The following TEX14 variants were observed in gnomAD, a reference collection of about 807,000 sequenced individuals.
TEX14 encodes the protein inactive serine/threonine-protein kinase TEX14.
In TEX14, 168 loss-of-function variants were observed where a neutral mutation model predicts 178.6. The ratio of observed to expected loss-of-function variants is 0.94; its 90% CI spans 0.83 to 1.07. TEX14 has a LOEUF of 1.07. TEX14 is among the 50% of genes least tolerant of loss of function. The probability of loss-of-function intolerance (pLI) is 0.00; values close to 1 mark genes in which losing one functional copy is unlikely to be tolerated. For synonymous variants in TEX14, 626 were observed against 634.1 expected, an observed-to-expected ratio of 0.99 and a Z score of 0.19; for missense variants, 1,730 against 1,753.6, an observed-to-expected ratio of 0.99 and a Z score of 0.24.
At chr17:58,635,184 T>C (rs2046406907) in intron 2 of TEX14, among the ~76,000 whole-genome samples, 1 of 152,146 alleles carries the variant, frequency 6.6e-6, no homozygotes, top group Admixed American at 6.6e-5. Flanking sequence ...GCTACTGCTG[T>C]TGCTATGAGT....
rs547007158 is a variant in TEX14 at position 58,637,390 on chromosome 17, G to T, written c.137-6836C>A. ...GGCTGGGGCCACCCAGAAAGCATCA[G>T]GATGACAGCTGGTCACTGGAAAGAC... On this transcript the variant is annotated intron_variant, in intron 2 of 31. Coordinates refer to ENST00000349033, the MANE Select transcript of TEX14 (RefSeq NM_031272.5). 3.9e-5 allele frequency among the ~76,000 whole-genome samples: 6 copies of T among 152,352 alleles called. No individual in the cohort carries two copies. The South Asian group carries it at 1.2e-3, about 32-fold the overall frequency.
In TEX14 at chr17:58,557,873, G is replaced by A. The variant is rs772917675; in HGVS notation, c.4268-23C>T. ...CATCTTGATGAAATATAAGAGGAAGGAAAAAACAACATGATTAATTTCTAG... is the reference window on the plus strand; with the variant it reads ...CATCTTGATGAAATATAAGAGGAAGAAAAAAACAACATGATTAATTTCTAG... On this transcript the variant is annotated intron_variant, in intron 30 of 31. Transcript: ENST00000349033. 8 of 1,595,712 alleles carry A rather than the reference G, an allele frequency of 5.0e-6. No individual in the cohort carries two copies. In the South Asian group the frequency reaches 7.8e-5, roughly 16 times the overall value.
intron 2 of TEX14, among the ~76,000 whole-genome samples, chr17:58,638,356 T>A (rs1020078889): frequency 6.7e-6 from 1 of 150,134 alleles, no homozygotes; most frequent in African/African-American, 2.4e-5. Flanking sequence ...TACAATAAAT[T>A]AAAAAAAAAA....
At chr17:58,680,186 C>T (rs950382113) in intron 1 of TEX14, among the ~76,000 whole-genome samples, 2 of 152,040 alleles carry the variant, frequency 1.3e-5, no homozygotes, top group Non-Finnish European at 2.9e-5. Context: ...CAGTCTTCCC[C>T]AGCAGCTGCA....
At chr17:58,682,262 CTT>C (rs36042986) in intron 1 of TEX14, among the ~76,000 whole-genome samples, 2 of 141,924 alleles carry the variant, frequency 1.4e-5, no homozygotes, top group African/African-American at 2.6e-5. Context: ...CAGAGTCTTT[CTT>C]TTTTTTTTTT....
intron 18 of TEX14, among the ~76,000 whole-genome samples, chr17:58,585,109 G>A (rs2044922250): frequency 6.6e-6 from 1 of 152,078 alleles, no homozygotes; most frequent in African/African-American, 2.4e-5. Context: ...TAAATTCTGG[G>A]AGAATTTAAT....
intron 1 of TEX14, among the ~76,000 whole-genome samples, chr17:58,686,087 G>C (rs532541517): frequency 6.6e-6 from 1 of 151,068 alleles, no homozygotes; most frequent in South Asian, 2.1e-4. Flanking sequence ...ATGGTGGCTC[G>C]CACCTGTAAT....
At chr17:58,585,034 T>C in intron 18 of TEX14, among the ~76,000 whole-genome samples, 1 of 152,210 alleles carries the variant, frequency 6.6e-6, no homozygotes, top group Non-Finnish European at 1.5e-5. Context: ...ATGTCATGTG[T>C]CTCTAGGTTC....
intron 1 of TEX14, among the ~76,000 whole-genome samples, chr17:58,665,476 T>G (rs2047187554): frequency 6.6e-6 from 1 of 151,992 alleles, no homozygotes; most frequent in South Asian, 2.1e-4. Context: ...TGCGTGGCTG[T>G]AGTCCAGCTA....
chr17:58,690,248 C>T (rs2047671888), intron 1 of TEX14, among the ~76,000 whole-genome samples: 1 of 151,472 alleles, frequency 6.6e-6, no homozygotes, highest in Non-Finnish European at 1.5e-5. Context: ...CTCACTGCAA[C>T]CTCAACCTCC....
At chr17:58,594,608 C>T (rs1458955408) in intron 14 of TEX14, among the ~76,000 whole-genome samples, 1 of 152,120 alleles carries the variant, frequency 6.6e-6, no homozygotes, top group Non-Finnish European at 1.5e-5. Flanking sequence ...CCTCCTTGAC[C>T]TCCCAAAGTA....
At chr17:58,578,454 C>T (rs188195218) in intron 20 of TEX14, among the ~76,000 whole-genome samples, 2 of 152,206 alleles carry the variant, frequency 1.3e-5, no homozygotes, top group Admixed American at 1.3e-4. Flanking sequence ...ACCTAGCATG[C>T]TGCATCCTGT....
intron 3 of TEX14, among the ~76,000 whole-genome samples, chr17:58,623,874 A>G (rs904790926): frequency 6.6e-6 from 1 of 152,078 alleles, no homozygotes; most frequent in Non-Finnish European, 1.5e-5. Context: ...TGAAGAGAAG[A>G]TAAGAAAAAA....
intron 1 of TEX14, among the ~76,000 whole-genome samples, chr17:58,666,243 G>A (rs1242402165): frequency 2.0e-5 from 3 of 151,698 alleles, no homozygotes; most frequent in Admixed American, 1.3e-4. Context: ...AGTTTCTAGG[G>A]AAGCTGAGAC....
chr17:58,673,484 AAAATAAAT>A lies in TEX14; in HGVS notation c.-2+18447_-2+18454del, dbSNP rs76433652. 9.0e-3 allele frequency among the ~76,000 whole-genome samples: 1,293 copies of A among 143,504 alleles called. 17 individuals carry two copies. Among genetic ancestry groups the A allele is most frequent in the African/African-American group, 0.027 (1,061 of 38,668 alleles). 94.1% of individuals were successfully genotyped at this position (143,504 alleles called of 152,430 possible). ...CACGACAGAGTGAGACTCCATCTCAAAAATAAATAAATAAATAAATAAATAAATAAATA... is the reference window on the plus strand; with the variant it reads ...CACGACAGAGTGAGACTCCATCTCAAAAATAAATAAATAAATAAATAAATA... On this transcript the variant is annotated intron_variant, in intron 1 of 31. Transcript: ENST00000349033.
intron 10 of TEX14, among the ~76,000 whole-genome samples, chr17:58,606,611 C>T (rs190109907): frequency 5.9e-5 from 9 of 152,046 alleles, no homozygotes; most frequent in Admixed American, 5.9e-4. Flanking sequence ...ATAGTGTGAA[C>T]AGTGTGGATA....
At chr17:58,689,543 T>G (rs936494939) in intron 1 of TEX14, among the ~76,000 whole-genome samples, 2 of 152,140 alleles carry the variant, frequency 1.3e-5, no homozygotes, top group African/African-American at 4.8e-5. Flanking sequence ...TTAAAGTTTA[T>G]TTTCTTTTTC....
intron 1 of TEX14, among the ~76,000 whole-genome samples, chr17:58,663,034 G>A (rs1290213919): frequency 4.0e-5 from 6 of 151,844 alleles, no homozygotes; most frequent in African/African-American, 9.7e-5. Flanking sequence ...GTGTGAACCC[G>A]GGAGGCAGAG....
Position 58,587,925 on chromosome 17 carries a change from T to C in TEX14, c.2673A>G (p.Ala891=). 6.2e-7 allele frequency: 1 copy of C among 1,613,194 alleles called. No homozygotes were observed. Among genetic ancestry groups the C allele is most frequent in the South Asian group, 1.1e-5 (1 of 91,028 alleles). ...TAGAGTCCCAGTGACAGCTGGGTGA[T>C]GCAGAAGGTCCCTGCCGGTGGCTTG... ...TLSSHRQGPS[A]SPSCHWDSTR... Residue 891 remains alanine, a synonymous_variant, in exon 16 of 32, where the codon GCA becomes GCG. Coordinates refer to ENST00000349033, the MANE Select transcript of TEX14 (RefSeq NM_031272.5).
Sources: gnomAD v4.1 joint callset for allele counts (sites outside exome capture counted in the v4.1 genomes callset) on GRCh38, gnomAD v4.1.1 for gene constraint, MANE v1.5 for transcripts, NCBI Gene and HGNC (gene_info 2026-07-23, HGNC 2026-07-21) for gene names.